The following SS18 variants were observed in gnomAD, a reference collection of about 807,000 sequenced individuals.
SS18 encodes protein SSXT.
A neutral mutation model predicts 72.5 loss-of-function variants in SS18; 28 were observed. The observed-to-expected ratio is 0.39, with a 90% confidence interval of 0.29 to 0.53. The LOEUF is 0.53. Ranked by LOEUF, SS18 falls within the 20% of genes least tolerant of loss-of-function variation. SS18 has a pLI of 0.76. For synonymous variants in SS18, 172 were observed against 164.2 expected (o/e 1.05, Z -0.37); for missense variants, 518 against 535.3 (o/e 0.97, Z 0.32).
At chr18:26,027,786 C>T (rs187599655) in intron 10 of SS18, among the ~76,000 whole-genome samples, 59 of 149,384 alleles carry the variant, frequency 3.9e-4, no homozygotes, top group African/African-American at 1.4e-3. Context: ...TCATACTTCA[C>T]ACCATACATA....
At chr18:26,062,142 C>G (rs2054134914) in intron 3 of SS18, among the ~76,000 whole-genome samples, 1 of 152,050 alleles carries the variant, frequency 6.6e-6, no homozygotes. Context: ...CACCTGTAAT[C>G]CCAGCTAACT....
chr18:26,055,782 G>A (rs1388106131), intron 4 of SS18, among the ~76,000 whole-genome samples: 11 of 117,768 alleles, frequency 9.3e-5, no homozygotes, highest in African/African-American at 3.3e-4. Flanking sequence ...TTTTTTTGAT[G>A]GAGTCTCACT....
Position 26,038,670 on chromosome 18 carries a change from A to G in SS18, c.776-11T>C, listed in dbSNP as rs761718161. On this transcript the variant is annotated splice_polypyrimidine_tract_variant and intron_variant, in intron 6 of 10. Coordinates refer to ENST00000415083, the MANE Select transcript of SS18 (RefSeq NM_001007559.3). The stretch of plus-strand genomic sequence containing the variant: ...ACTGCTGTGGTGGGCCTGAAAAACC[A>G]CAACCAGTCAAGATATAAATAATGT... 1 of 1,603,646 alleles carries G rather than the reference A, an allele frequency of 6.2e-7. No individual in the cohort carries two copies. The highest frequency in any genetic ancestry group is 1.1e-5 in the South Asian group (1 of 90,822).
Position 26,017,952 on chromosome 18 carries a change from GTA to G in SS18, c.*400_*401del. ...ACATAATATACAAAATATTGCTGCT[GTA>G]AAAAGTGTACATTTCCCTCTTCCCC... On this transcript the variant is annotated 3_prime_UTR_variant, in exon 11 of 11. Coordinates refer to ENST00000415083, the MANE Select transcript of SS18 (RefSeq NM_001007559.3). The G allele has an allele frequency of 4.1e-6, 1 of 242,504 alleles. No individual in the cohort carries two copies. Among genetic ancestry groups the G allele is most frequent in the Non-Finnish European group, 8.1e-6 (1 of 123,918 alleles). The allele number at this position is 242,504 out of a possible 1,614,324, so 15.0% of individuals were successfully genotyped here. A position where few individuals can be genotyped will look rare whatever the true frequency, so the allele number is the denominator to read the frequency against.
chr18:26,039,142 GTAC>G (rs1174458556), intron 6 of SS18, 144 bp downstream of exon 6: 1 of 577,586 alleles, frequency 1.7e-6, no homozygotes, highest in African/African-American at 2.5e-5. Context: ...TGACCCCTTT[GTAC>G]TTACTAGAAC....
chr18:26,063,893 A>C (rs1019969683), intron 3 of SS18, among the ~76,000 whole-genome samples: 3 of 152,168 alleles, frequency 2.0e-5, no homozygotes, highest in Admixed American at 1.3e-4. Flanking sequence ...TAGCAGAAAT[A>C]ATCAAGAAAA....
At chr18:26,089,813 A>G (rs576909393) in intron 1 of SS18, 1 of 152,428 alleles carries the variant, frequency 6.6e-6, no homozygotes, top group East Asian at 1.9e-4. Flanking sequence ...GAAGGCAAGG[A>G]CCATGACTCA....
chr18:26,032,833 A>G (rs188018583), intron 9 of SS18, among the ~76,000 whole-genome samples: 133 of 152,330 alleles, frequency 8.7e-4, no homozygotes, highest in African/African-American at 3.1e-3. Flanking sequence ...CATGATGATA[A>G]GAAAATTAAT....
chr18:26,059,465 A>C (rs2054081490), intron 3 of SS18, among the ~76,000 whole-genome samples: 2 of 152,202 alleles, frequency 1.3e-5, no homozygotes, highest in African/African-American at 4.8e-5. Flanking sequence ...CATTCAAGAA[A>C]ACTAGTCGAA....
intron 3 of SS18, among the ~76,000 whole-genome samples, chr18:26,067,431 A>G (rs111546197): frequency 6.6e-6 from 1 of 152,218 alleles, no homozygotes. Flanking sequence ...AGCAGGGAAC[A>G]ACAGAGGGGG....
chr18:26,080,952 T>G (rs1251559230), intron 2 of SS18, among the ~76,000 whole-genome samples: 1 of 152,092 alleles, frequency 6.6e-6, no homozygotes, highest in African/African-American at 2.4e-5. Context: ...CATTACTATT[T>G]AATCCACAGA....
rs371010902 is a variant in SS18 at position 26,035,941 on chromosome 18, G to C, written c.881-18C>G. The C allele has an allele frequency of 4.5e-6, 7 of 1,555,948 alleles. No individual in the cohort carries two copies. The highest frequency in any genetic ancestry group is 5.3e-6 in the Non-Finnish European group (6 of 1,137,214). On this transcript the variant is annotated intron_variant, in intron 7 of 10. Transcript: ENST00000415083. The surrounding 1 kb of genome is among the most constrained non-coding windows in gnomAD (Gnocchi z 4.4). ...ATTATGACCTACATCAATTCGACAA[G>C]AGACAGGAAGAAACGTTAATGGCCA... is the stretch of plus-strand genomic sequence containing the variant.
intron 4 of SS18, among the ~76,000 whole-genome samples, chr18:26,054,184 T>G (rs2053973219): frequency 6.6e-6 from 1 of 152,184 alleles, no homozygotes; most frequent in Non-Finnish European, 1.5e-5. Context: ...AAAAAAAAAG[T>G]ATGTACATGT....
chr18:26,039,581 T>A (rs2053688983), intron 5 of SS18, 125 bp from the exon 6 acceptor site: 1 of 818,970 alleles, frequency 1.2e-6, no homozygotes, highest in South Asian at 4.0e-5. Flanking sequence ...AAAAACTGAT[T>A]TCAAATAATA....
intron 2 of SS18, chr18:26,078,865 CA>C (rs1207235211): frequency 6.6e-6 from 1 of 152,486 alleles, no homozygotes; most frequent in African/African-American, 2.4e-5. Flanking sequence ...CCAGCCTGGG[CA>C]ACAGAGTGAG....
At position 26,056,733 on chromosome 18, in the gene SS18, G is replaced by T. The variant is rs144152564; in HGVS notation, c.385+856C>A. 2.4e-3 allele frequency among the ~76,000 whole-genome samples: 365 copies of T among 152,296 alleles called. 1 individual carries two copies. Among genetic ancestry groups the T allele is most frequent in the Middle Eastern group, 0.01 (3 of 294 alleles). On this transcript the variant is annotated intron_variant, in intron 4 of 10. Transcript: ENST00000415083. ...TATTTTATTTCCATTACTGCTAGTTGTATAATGTCTTCTTTATCAATGAAA... is the reference window on the plus strand; with the variant it reads ...TATTTTATTTCCATTACTGCTAGTTTTATAATGTCTTCTTTATCAATGAAA...
chr18:26,023,136 T>C (rs1355055240), intron 10 of SS18, among the ~76,000 whole-genome samples: 4 of 152,164 alleles, frequency 2.6e-5, no homozygotes, highest in Non-Finnish European at 5.9e-5. Context: ...TCACAATGTC[T>C]GGAATCCAAT....
At chr18:26,081,228 CA>C (rs2054516575) in intron 2 of SS18, 1 of 151,858 alleles carries the variant, frequency 6.6e-6, no homozygotes, top group Non-Finnish European at 1.5e-5. Flanking sequence ...ATCTCACTGT[CA>C]GCTAGGCTGG....
chr18:26,063,873 T>C (rs1207338270), intron 3 of SS18, among the ~76,000 whole-genome samples: 1 of 152,064 alleles, frequency 6.6e-6, no homozygotes, highest in Non-Finnish European at 1.5e-5. Flanking sequence ...TATTAATAAT[T>C]AATAACCCTT....
Sources: gnomAD v4.1 joint callset for allele counts (sites outside exome capture counted in the v4.1 genomes callset) on GRCh38, gnomAD v4.1.1 for gene constraint, Gnocchi (gnomAD v3.1) non-coding constraint, MANE v1.5 for transcripts, NCBI Gene and HGNC (gene_info 2026-07-23, HGNC 2026-07-21) for gene names.